The following WDFY3 variants were observed in gnomAD, a reference collection of about 807,000 sequenced individuals.
The protein encoded by WDFY3 is WD repeat and FYVE domain containing 3.
In WDFY3, 66 loss-of-function variants were observed where a neutral mutation model predicts 409.6. The observed-to-expected ratio is 0.16, with a 90% confidence interval of 0.13 to 0.20. The LOEUF (loss-of-function observed/expected upper bound fraction) is 0.20, where lower values mean the gene tolerates loss of function less well. WDFY3 is among the 10% of genes least tolerant of loss of function. WDFY3 has a pLI of 1.00. For missense variants in WDFY3, 3,031 were observed against 4,298.1 expected, an observed-to-expected ratio of 0.71 and a Z score of 8.24; for synonymous variants, 1,521 against 1,537.1, an observed-to-expected ratio of 0.99 and a Z score of 0.25.
intron 1 of WDFY3, among the ~76,000 whole-genome samples, chr4:84,933,071 G>A (rs973589936): frequency 2.6e-5 from 4 of 152,130 alleles, no homozygotes; most frequent in Admixed American, 6.5e-5. Flanking sequence ...ATTCAAAAAG[G>A]AGGAGCCTGG....
intron 6 of WDFY3, among the ~76,000 whole-genome samples, chr4:84,840,898 A>C (rs1266899565): frequency 6.6e-6 from 1 of 152,042 alleles, no homozygotes; most frequent in Non-Finnish European, 1.5e-5. Flanking sequence ...GTTATGTCCT[A>C]TGTGTGTTAC....
intron 40 of WDFY3, among the ~76,000 whole-genome samples, chr4:84,738,616 AAGAG>A (rs1233683807): frequency 2.0e-5 from 3 of 151,774 alleles, no homozygotes; most frequent in Non-Finnish European, 4.4e-5. Flanking sequence ...AAAAAAAAAA[AAGAG>A]AGAGAGTATA....
At chr4:84,695,499 C>CAGAGAGAGACAGAGAGAGAG (rs1217791319) in intron 58 of WDFY3, among the ~76,000 whole-genome samples, 6 of 73,072 alleles carry the variant, frequency 8.2e-5, no homozygotes, top group African/African-American at 2.7e-4. Context: ...CACACAGAGA[C>CAGAGAGAGACAGAGAGAGAG]AGAGAGAGAT....
At chr4:84,838,975 C>G (rs1223107850) in intron 6 of WDFY3, among the ~76,000 whole-genome samples, 5 of 152,194 alleles carry the variant, frequency 3.3e-5, no homozygotes, top group Non-Finnish European at 7.4e-5. Flanking sequence ...CTGCTACCAG[C>G]AGAAAATGGC....
chr4:84,675,765 T>C (rs181149058), intron 67 of WDFY3, among the ~76,000 whole-genome samples: 64 of 152,266 alleles, frequency 4.2e-4, no homozygotes, highest in Middle Eastern at 6.8e-3. Context: ...AAGTGTACTG[T>C]CCATGGAATC....
At chr4:84,879,457 A>G (rs895570750) in intron 3 of WDFY3, 1 of 152,178 alleles carries the variant, frequency 6.6e-6, no homozygotes, top group African/African-American at 2.4e-5. Flanking sequence ...AGCAGCTTAT[A>G]TTCACTATGT....
At chr4:84,878,944 A>G (rs907768263) in intron 3 of WDFY3, among the ~76,000 whole-genome samples, 1 of 152,236 alleles carries the variant, frequency 6.6e-6, no homozygotes, top group Non-Finnish European at 1.5e-5. Flanking sequence ...TCTACTATAT[A>G]TAAGGAACTA....
At chr4:84,789,673 C>T (rs952794190) in intron 22 of WDFY3, 53 bp downstream of exon 22, 2 of 1,421,008 alleles carry the variant, frequency 1.4e-6, no homozygotes, top group Non-Finnish European at 1.9e-6. Flanking sequence ...ACACACACCC[C>T]CCAAACTACT....
rs751087161 is a variant in WDFY3, at chr4:84,850,013, C to A, written c.193G>T (p.Ala65Ser). The change falls in exon 5 of 68, where the codon GCT (alanine) becomes TCT (serine). Residue 65 changes from alanine (A) to serine (S), a missense_variant. Transcript: ENST00000295888. ...LPVFNRVFGN[A>S]PPNTMTEKFS... ...TTTTCTGTCATTGTATTCGGCGGAG[C>A]ATTTCCAAAAACCTGTAGATAAGAA... is the stretch of plus-strand genomic sequence containing the variant. 2 of 1,592,266 alleles carry A rather than the reference C, an allele frequency of 1.3e-6. No individual in the cohort carries two copies. Among genetic ancestry groups the A allele is most frequent in the South Asian group, 2.3e-5 (2 of 86,500 alleles).
At chr4:84,690,066 A>ATTC (rs1729002241) in intron 61 of WDFY3, among the ~76,000 whole-genome samples, 1 of 152,178 alleles carries the variant, frequency 6.6e-6, no homozygotes, top group African/African-American at 2.4e-5. Flanking sequence ...GCTCTACTGA[A>ATTC]TATATTCATG....
chr4:84,701,396 G>GTATTT (rs1731050196), intron 56 of WDFY3, among the ~76,000 whole-genome samples: 1 of 152,080 alleles, frequency 6.6e-6, no homozygotes, highest in African/African-American at 2.4e-5. Context: ...ATTATCTTTA[G>GTATTT]AAAACTTCAA....
intron 60 of WDFY3, 47 bp from the exon 61 acceptor site, chr4:84,690,711 A>G: frequency 6.5e-7 from 1 of 1,543,506 alleles, no homozygotes; most frequent in Non-Finnish European, 8.7e-7. Context: ...TAAGTACTAT[A>G]CAAACTTCTG....
Position 84,869,773 on chromosome 4 carries a change from C to G in WDFY3, c.-31-9151G>C, listed in dbSNP as rs115170285. On this transcript the variant is annotated intron_variant, in intron 3 of 67. Coordinates refer to ENST00000295888, the MANE Select transcript of WDFY3 (RefSeq NM_014991.6). ...CTAGGATATCCATGGAACTCAGACT[C>G]AACTACCCTAGAGCATAGTAGATAT... 5.0e-3 allele frequency among the ~76,000 whole-genome samples: 767 copies of G among 152,260 alleles called. 6 individuals are homozygous for G. Among genetic ancestry groups the G allele is most frequent in the Non-Finnish European group, 9.1e-3 (616 of 68,012 alleles).
rs1379795828 is a variant in WDFY3, at chr4:84,726,927, T to G, written c.7222-16A>C. 6.3e-7 allele frequency: 1 copy of G among 1,596,680 alleles called. No individual in the cohort carries two copies. Among genetic ancestry groups the G allele is most frequent in the Non-Finnish European group, 8.5e-7 (1 of 1,174,330 alleles). On this transcript the variant is annotated splice_polypyrimidine_tract_variant and intron_variant, in intron 44 of 67. Coordinates refer to ENST00000295888, the MANE Select transcript of WDFY3 (RefSeq NM_014991.6). ...GGATCTCAGACTGAAAACAGGGTAT[T>G]AAGTATAGACATATCAGAAAAAAAA...
Position 84,766,248 on chromosome 4 carries a change from T to C in WDFY3, c.4970+4A>G. ...ATAATCACTTTTAAAAAAGATTTAC[T>C]TACTGCAAATTAATGCTTGTCTTTT... On this transcript the variant is annotated splice_donor_region_variant and intron_variant, in intron 31 of 67. Coordinates refer to ENST00000295888, the MANE Select transcript of WDFY3 (RefSeq NM_014991.6). 1 of 1,573,294 alleles carries C rather than the reference T, an allele frequency of 6.4e-7. No individual in the cohort carries two copies. Among genetic ancestry groups the C allele is most frequent in the Non-Finnish European group, 8.6e-7 (1 of 1,161,014 alleles).
intron 62 of WDFY3, among the ~76,000 whole-genome samples, chr4:84,684,858 CTATAGT>C (rs1728025970): frequency 6.6e-6 from 1 of 152,170 alleles, no homozygotes; most frequent in Admixed American, 6.5e-5. Flanking sequence ...ACACAACCCA[CTATAGT>C]TAAAGAAAGG....
chr4:84,762,716 A>G (rs867825967), intron 32 of WDFY3, among the ~76,000 whole-genome samples: 2 of 152,314 alleles, frequency 1.3e-5, no homozygotes, highest in South Asian at 4.1e-4. Context: ...CTTTGCCCTC[A>G]TTAATGAAAC....
intron 2 of WDFY3, among the ~76,000 whole-genome samples, chr4:84,920,311 G>T (rs1259331674): frequency 2.6e-5 from 4 of 152,120 alleles, no homozygotes; most frequent in Admixed American, 2.6e-4. Context: ...AGAATGTTAA[G>T]TCTACTTAAG....
intron 59 of WDFY3, 25 bp downstream of exon 59, chr4:84,692,859 CA>C: frequency 1.9e-6 from 3 of 1,569,682 alleles, no homozygotes; most frequent in Non-Finnish European, 2.6e-6. Context: ...AATCATTAAT[CA>C]AAAGTTTATT....
Sources: gnomAD v4.1 joint callset for allele counts (sites outside exome capture counted in the v4.1 genomes callset) on GRCh38, gnomAD v4.1.1 for gene constraint, MANE v1.5 for transcripts, NCBI Gene and HGNC (gene_info 2026-07-23, HGNC 2026-07-21) for gene names.